TMEM117: variants seen among roughly 807,000 people sequenced by gnomAD.
TMEM117 encodes transmembrane protein 117.
In TMEM117, 27 loss-of-function variants were observed where a neutral mutation model predicts 52.4. The observed-to-expected ratio is 0.51, with a 90% CI of 0.38 to 0.71. The LOEUF (loss-of-function observed/expected upper bound fraction) is 0.71, where lower values mean the gene tolerates loss of function less well. Among genes scored for constraint, TMEM117 ranks in the 30% least tolerant of loss-of-function variants. The pLI, the probability that TMEM117 is intolerant of heterozygous loss-of-function variation, is 0.00. For synonymous variants in TMEM117, 215 were observed against 206.3 expected, an observed-to-expected ratio of 1.04 and a Z score of -0.36; for missense variants, 556 against 630.5, an observed-to-expected ratio of 0.88 and a Z score of 1.26.
intron 5 of TMEM117, among the ~76,000 whole-genome samples, chr12:44,289,735 G>T (rs1950681794): frequency 1.3e-5 from 2 of 151,716 alleles, no homozygotes. Context: ...TGTATTTTTA[G>T]TAGAGACAGG....
intron 3 of TMEM117, among the ~76,000 whole-genome samples, chr12:44,044,073 G>A (rs1456527819): frequency 6.6e-6 from 1 of 152,218 alleles, no homozygotes; most frequent in Non-Finnish European, 1.5e-5. Flanking sequence ...GATTGGGATG[G>A]TGGAGTGGAT....
intron 3 of TMEM117, among the ~76,000 whole-genome samples, chr12:43,945,109 C>CAAAA (rs143548665): frequency 7.1e-6 from 1 of 141,648 alleles, no homozygotes; most frequent in Admixed American, 7.2e-5. Flanking sequence ...GACTCCGTCT[C>CAAAA]TAAATAAATA....
intron 3 of TMEM117, among the ~76,000 whole-genome samples, chr12:44,131,655 A>G (rs1238366337): frequency 1.3e-5 from 2 of 151,950 alleles, no homozygotes; most frequent in Non-Finnish European, 2.9e-5. Flanking sequence ...ATATATTTTG[A>G]TAGCACACTG....
intron 2 of TMEM117, among the ~76,000 whole-genome samples, chr12:43,898,962 A>T (rs1293775090): frequency 3.3e-5 from 5 of 152,214 alleles, no homozygotes; most frequent in African/African-American, 9.6e-5. Flanking sequence ...TCTAGCTGGG[A>T]TGGAGCAGCT....
At chr12:44,022,155 A>G (rs1273320608) in intron 3 of TMEM117, among the ~76,000 whole-genome samples, 2 of 152,244 alleles carry the variant, frequency 1.3e-5, no homozygotes, top group African/African-American at 2.4e-5. Flanking sequence ...TTAGTGAAAC[A>G]CTAAAGGACT....
intron 5 of TMEM117, among the ~76,000 whole-genome samples, chr12:44,217,132 A>G (rs1193975216): frequency 6.6e-6 from 1 of 152,208 alleles, no homozygotes; most frequent in East Asian, 1.9e-4. Context: ...TAAAAATACA[A>G]TAAGGTAATA....
intron 6 of TMEM117, among the ~76,000 whole-genome samples, chr12:44,344,732 G>T (rs1592707274): frequency 6.6e-6 from 1 of 152,042 alleles, no homozygotes; most frequent in African/African-American, 2.4e-5. Flanking sequence ...AACTGTTGGG[G>T]ACAGAGTCCT....
chr12:43,803,226 A>AG, the TMEM117 span, among the ~76,000 whole-genome samples: 1 of 152,188 alleles, frequency 6.6e-6, no homozygotes, highest in Non-Finnish European at 1.5e-5. Flanking sequence ...AAAGATACAG[A>AG]GTAAGATGGT....
intron 2 of TMEM117, among the ~76,000 whole-genome samples, chr12:43,881,245 A>T (rs919392830): frequency 3.3e-4 from 50 of 152,346 alleles, no homozygotes; most frequent in African/African-American, 1.2e-3. Flanking sequence ...GTTATTATGC[A>T]GTCCAAAGAT....
intron 2 of TMEM117, among the ~76,000 whole-genome samples, chr12:43,899,715 C>G (rs1944273518): frequency 6.6e-6 from 1 of 152,110 alleles, no homozygotes; most frequent in African/African-American, 2.4e-5. Context: ...TGAGCACCTG[C>G]CCAATACCCA....
chr12:43,834,997 G>GGA (rs1943006633), upstream of TMEM117, among the ~76,000 whole-genome samples: 1 of 152,090 alleles, frequency 6.6e-6, no homozygotes, highest in Admixed American at 6.5e-5. Context: ...CCAGTACAGG[G>GGA]GAGGGCCTAG....
At chr12:44,091,051 A>G (rs768821044) in intron 3 of TMEM117, among the ~76,000 whole-genome samples, 23 of 152,096 alleles carry the variant, frequency 1.5e-4, no homozygotes, top group Non-Finnish European at 2.9e-4. Context: ...TGATAACGAA[A>G]AGAGATTTAA....
chr12:44,010,191 T>C, intron 3 of TMEM117: 1 of 510,980 alleles, frequency 2.0e-6, no homozygotes, highest in Non-Finnish European at 3.9e-6. Flanking sequence ...GACACCCACC[T>C]GGGGCCACCT....
rs145796009 is a variant in TMEM117 at position 44,383,381 on chromosome 12, A to G, written c.899-4645A>G. Among the ~76,000 whole-genome samples, 472 of 152,290 alleles carry G rather than the reference A, an allele frequency of 3.1e-3. 1 individual carries two copies. The highest frequency in any genetic ancestry group is 5.2e-3 in the Non-Finnish European group (353 of 68,024). ...GTGATATTTAATGAAGAATCCTTTT[A>G]AAATGATCTATCCTCAGATTCTGTA... On this transcript the variant is annotated intron_variant, in intron 7 of 7. Transcript: ENST00000266534.
intron 7 of TMEM117, among the ~76,000 whole-genome samples, chr12:44,384,963 A>G (rs1042181932): frequency 3.3e-5 from 5 of 152,170 alleles, no homozygotes; most frequent in Admixed American, 2.0e-4. Context: ...ACAGAATAAA[A>G]AATTGGATTC....
At chr12:43,973,545 G>A (rs748018651) in intron 3 of TMEM117, among the ~76,000 whole-genome samples, 6 of 152,132 alleles carry the variant, frequency 3.9e-5, no homozygotes, top group Non-Finnish European at 8.8e-5. Context: ...TCTTAATTAG[G>A]TTATGACTTA....
At chr12:44,282,321 G>T (rs974048036) in intron 5 of TMEM117, among the ~76,000 whole-genome samples, 10 of 152,140 alleles carry the variant, frequency 6.6e-5, no homozygotes, top group African/African-American at 2.2e-4. Context: ...TTTGGAACTG[G>T]GTAACAGGCA....
chr12:44,371,430 A>G (rs367791134), intron 6 of TMEM117, among the ~76,000 whole-genome samples: 1 of 152,218 alleles, frequency 6.6e-6, no homozygotes, highest in East Asian at 1.9e-4. Flanking sequence ...ACATTTAAGA[A>G]TTTATAGCTT....
chr12:44,119,313 G>A (rs1429632392), intron 3 of TMEM117, among the ~76,000 whole-genome samples: 1 of 152,130 alleles, frequency 6.6e-6, no homozygotes, highest in Non-Finnish European at 1.5e-5. Flanking sequence ...GGATGTTTAT[G>A]TAGTGAAAAG....
Sources: gnomAD v4.1 joint callset for allele counts (sites outside exome capture counted in the v4.1 genomes callset) on GRCh38, gnomAD v4.1.1 for gene constraint, MANE v1.5 for transcripts, NCBI Gene and HGNC (gene_info 2026-07-23, HGNC 2026-07-21) for gene names.